The following DLG1 variants were observed in gnomAD, a reference collection of about 807,000 sequenced individuals.
DLG1 encodes disks large homolog 1.
In DLG1, 42 loss-of-function variants were observed where a neutral mutation model predicts 123.4. The ratio of observed to expected loss-of-function variants is 0.34; its 90% CI spans 0.27 to 0.44. The LOEUF (loss-of-function observed/expected upper bound fraction) is 0.44. Among genes scored for constraint, DLG1 ranks in the 20% least tolerant of loss-of-function variants. The pLI, the probability that DLG1 is intolerant of heterozygous loss-of-function variation, is 1.00. For missense variants in DLG1, 942 were observed against 1,082.6 expected, an observed-to-expected ratio of 0.87 and a Z score of 1.82; for synonymous variants, 317 against 356.2, an observed-to-expected ratio of 0.89 and a Z score of 1.24.
At chr3:197,296,637 AAAAAT>A (rs1777485864) in intron 2 of DLG1, 160 bp from the exon 3 acceptor site, 1 of 511,586 alleles carries the variant, frequency 2.0e-6, no homozygotes, top group African/African-American at 1.9e-5. Flanking sequence ...AGAATGACCA[AAAAAT>A]AAAAAAAAAA....
chr3:197,053,876 T>G (rs560174367), intron 23 of DLG1, among the ~76,000 whole-genome samples: 1 of 151,880 alleles, frequency 6.6e-6, no homozygotes, highest in East Asian at 1.9e-4. Context: ...GTGGATCACT[T>G]GAGCTCAGAG....
At chr3:197,238,633 A>G (rs1287130223) in intron 4 of DLG1, among the ~76,000 whole-genome samples, 3 of 152,210 alleles carry the variant, frequency 2.0e-5, no homozygotes, top group Non-Finnish European at 4.4e-5. Context: ...CACATGAACT[A>G]TCATCTCCAG....
Position 197,242,639 on chromosome 3 carries a change from G to A in DLG1, c.318+40040C>T, listed in dbSNP as rs115196108. 2.7e-3 allele frequency among the ~76,000 whole-genome samples: 412 copies of A among 151,642 alleles called. 2 individuals are homozygous for A. The highest frequency in any genetic ancestry group is 9.8e-3 in the African/African-American group (405 of 41,392). The stretch of plus-strand genomic sequence containing the variant: ...TACATATCAATAAAAAGAACCTCAA[G>A]AACTTCAAAAACGTATGGAAATTAG... On this transcript the variant is annotated intron_variant, in intron 4 of 24. Transcript: ENST00000667157.
At chr3:197,104,844 G>T in intron 14 of DLG1, 59 bp downstream of exon 14, 3 of 1,177,978 alleles carry the variant, frequency 2.5e-6, no homozygotes, top group Non-Finnish European at 3.8e-6. Flanking sequence ...AAATATTAAA[G>T]AGGAAGAATT....
chr3:197,281,014 T>G (rs893347799), intron 4 of DLG1, among the ~76,000 whole-genome samples: 2 of 144,866 alleles, frequency 1.4e-5, no homozygotes, highest in Admixed American at 7.0e-5. Context: ...AAACTTTTTG[T>G]GGAGGCTCTT....
chr3:197,102,079 A>G (rs1763786249), intron 14 of DLG1, among the ~76,000 whole-genome samples: 1 of 152,186 alleles, frequency 6.6e-6, no homozygotes, highest in African/African-American at 2.4e-5. Context: ...TGATTCTCCA[A>G]AAAGATTAAC....
At chr3:197,206,904 A>G (rs917618045) in intron 4 of DLG1, among the ~76,000 whole-genome samples, 1 of 152,250 alleles carries the variant, frequency 6.6e-6, no homozygotes, top group African/African-American at 2.4e-5. Flanking sequence ...GTATCCAGGT[A>G]GAAAATGAAT....
chr3:197,174,275 T>A (rs558142561), intron 5 of DLG1, among the ~76,000 whole-genome samples: 2 of 152,296 alleles, frequency 1.3e-5, no homozygotes, highest in Admixed American at 6.5e-5. Context: ...ATGGTTTAAT[T>A]CTGTTGCAAT....
chr3:197,119,792 A>G (rs538426604), intron 11 of DLG1, among the ~76,000 whole-genome samples: 3 of 152,166 alleles, frequency 2.0e-5, no homozygotes, highest in Admixed American at 6.5e-5. Context: ...TTACTTAAAG[A>G]ATTATATACA....
intron 5 of DLG1, among the ~76,000 whole-genome samples, chr3:197,192,211 T>A (rs1719979064): frequency 6.6e-6 from 1 of 151,884 alleles, no homozygotes; most frequent in African/African-American, 2.4e-5. Context: ...GAAGGAATAG[T>A]CTCTAATGTT....
chr3:197,140,291 A>G, intron 7 of DLG1, 27 bp from the exon 8 acceptor site: 1 of 1,608,694 alleles, frequency 6.2e-7, no homozygotes, highest in Non-Finnish European at 8.5e-7. Flanking sequence ...AAAAATTGAG[A>G]CTGAATATGA....
chr3:197,259,656 G>A (rs895920574), intron 4 of DLG1, among the ~76,000 whole-genome samples: 1 of 152,122 alleles, frequency 6.6e-6, no homozygotes, highest in Non-Finnish European at 1.5e-5. Flanking sequence ...GCAAACTGGT[G>A]CTCAAAAATA....
chr3:197,065,082 A>G (rs574498497), intron 22 of DLG1, among the ~76,000 whole-genome samples, 194 bp downstream of exon 22: 1 of 151,134 alleles, frequency 6.6e-6, no homozygotes, highest in East Asian at 1.9e-4. Flanking sequence ...TTCTATTTTC[A>G]CTTTCTTTGT....
chr3:197,174,615 CTTGT>C (rs1806037765), intron 5 of DLG1, among the ~76,000 whole-genome samples: 1 of 152,092 alleles, frequency 6.6e-6, no homozygotes, highest in Admixed American at 6.6e-5. Context: ...TGATATGCAT[CTTGT>C]TTGTTTTCTT....
intron 17 of DLG1, chr3:197,078,531 G>T (rs1244625030): frequency 6.6e-6 from 1 of 151,974 alleles, no homozygotes; most frequent in South Asian, 2.1e-4. Context: ...AGGCTCTGAG[G>T]AACTAGATAA....
At chr3:197,068,997 A>G (rs1320958327) in intron 19 of DLG1, among the ~76,000 whole-genome samples, 1 of 127,650 alleles carries the variant, frequency 7.8e-6, no homozygotes, top group African/African-American at 2.7e-5. Context: ...TGTATCATGT[A>G]CACAAATAAT....
Position 197,130,460 on chromosome 3 carries a change from T to A in DLG1, c.1165+67A>T, listed in dbSNP as rs549693048. On this transcript the variant is annotated intron_variant, in intron 11 of 24. Transcript: ENST00000667157. ...TTTAAACTTTATTATACTGAGAACA[T>A]TTCACTAATGGCATCACAACTGAAG... The A allele has an allele frequency of 1.7e-5, 22 of 1,310,496 alleles. 1 individual carries two copies. In the South Asian group the frequency reaches 3.9e-4, roughly 24 times the overall value. 81.2% of individuals were successfully genotyped at this position (1,310,496 alleles called of 1,614,324 possible). A position where few individuals can be genotyped will look rare whatever the true frequency, so the allele number is the denominator to read the frequency against.
rs150282489 is a variant in DLG1 at position 197,294,284 on chromosome 3, T to C, written c.151+2062A>G. ...CTATAGAACATTAAATATAAGTAAA[T>C]TTAAATGTCAAAGTAAATTCACAAC... On this transcript the variant is annotated intron_variant, in intron 3 of 24. Coordinates refer to ENST00000667157, the MANE Select transcript of DLG1 (RefSeq NM_001366207.1). Among the ~76,000 whole-genome samples the C allele has an allele frequency of 2.5e-4, 38 of 152,220 alleles. No individual in the cohort carries two copies. In the East Asian group the frequency reaches 7.2e-3, roughly 29 times the overall value.
intron 4 of DLG1, among the ~76,000 whole-genome samples, chr3:197,269,703 A>T (rs550995209): frequency 6.6e-6 from 1 of 152,358 alleles, no homozygotes; most frequent in Admixed American, 6.5e-5. Flanking sequence ...ATTAAGAACC[A>T]AAATCTGGCT....
Sources: gnomAD v4.1 joint callset for allele counts (sites outside exome capture counted in the v4.1 genomes callset) on GRCh38, gnomAD v4.1.1 for gene constraint, MANE v1.5 for transcripts, NCBI Gene and HGNC (gene_info 2026-07-23, HGNC 2026-07-21) for gene names.